ANGPTL1: variants seen among roughly 807,000 people sequenced by gnomAD.
ANGPTL1 encodes angiopoietin-related protein 1.
ANGPTL1 carries 36 observed loss-of-function variants against 46.7 expected under a neutral mutation model. That is an observed-to-expected ratio of 0.77 (90% CI 0.59 to 1.02). The LOEUF is 1.02. Ranked by LOEUF, ANGPTL1 falls within the 50% of genes least tolerant of loss-of-function variation. The pLI is 0.00. For missense variants in ANGPTL1, 571 were observed against 594.7 expected, an observed-to-expected ratio of 0.96 and a Z score of 0.41; for synonymous variants, 221 against 204.3, an observed-to-expected ratio of 1.08 and a Z score of -0.69.
intron 2 of ANGPTL1, among the ~76,000 whole-genome samples, chr1:178,867,488 C>T (rs1452645659): frequency 6.6e-6 from 1 of 152,002 alleles, no homozygotes; most frequent in East Asian, 1.9e-4. Context: ...GAGGAAAATC[C>T]TTGAGAAGCT....
At position 178,851,273 on chromosome 1, in the gene ANGPTL1, G is replaced by A. The variant is rs201826963; in HGVS notation, c.1332C>T (p.Ala444=). The A allele has an allele frequency of 1.2e-6, 2 of 1,613,314 alleles. No homozygotes were observed. The highest frequency in any genetic ancestry group is 1.3e-5 in the African/African-American group (1 of 74,990). ...CTCCATTTAGGTTAGAATGTGCACA[G>A]GCATTGTACCACCAGCCTCCTTTAT... ...HFHKGGWWYN[A]CAHSNLNGVW... is the part of the protein sequence containing the mutation. The change falls in exon 6 of 6, where the codon GCC becomes GCT. Residue 444 remains alanine, a synonymous_variant. Transcript: ENST00000234816.
intron 2 of ANGPTL1, 75 bp from the exon 3 acceptor site, chr1:178,865,877 TAAA>T: frequency 5.6e-6 from 5 of 885,250 alleles, no homozygotes; most frequent in South Asian, 3.7e-5. Flanking sequence ...TCAGTAATCT[TAAA>T]AACTATCTGA....
In ANGPTL1 at chr1:178,852,839, T is replaced by C. The variant is rs1372207029; in HGVS notation, c.1132A>G (p.Lys378Glu). ...AAGCTGCTGTATTCTGCATAGACTT[T>C]TTTATCACTCCAGTCTTCTAATTCA... ...LIELEDWSDK[K>E]VYAEYSSFRL... Residue 378 changes from lysine (K) to glutamate (E), a missense_variant, in exon 5 of 6, where the codon AAA (lysine) becomes GAA (glutamate). Physicochemically the swap from Lys to Glu is moderately conservative, Grantham distance 56. Coordinates refer to ENST00000234816, the MANE Select transcript of ANGPTL1 (RefSeq NM_004673.4). 1.2e-6 allele frequency: 2 copies of C among 1,613,840 alleles called. No individual in the cohort carries two copies. Among genetic ancestry groups the C allele is most frequent in the East Asian group, 2.2e-5 (1 of 44,878 alleles).
intron 5 of ANGPTL1, among the ~76,000 whole-genome samples, chr1:178,851,548 TA>T (rs148034387): frequency 0.04 from 6,040 of 152,148 alleles, 161 homozygotes; most frequent in African/African-American, 0.068. Context: ...TGTACTTTTT[TA>T]AAAAGGGGGA....
chr1:178,853,159 C>T, intron 4 of ANGPTL1: 1 of 985,290 alleles, frequency 1.0e-6, no homozygotes, highest in Non-Finnish European at 1.2e-6. Context: ...TCTGATATGT[C>T]AGTATTCATT....
intron 3 of ANGPTL1, among the ~76,000 whole-genome samples, chr1:178,864,286 T>A (rs1400143886): frequency 7.2e-5 from 11 of 152,278 alleles, no homozygotes; most frequent in African/African-American, 2.4e-5. Context: ...AGTTTTTTTT[T>A]ATAATAATGA....
intron 4 of ANGPTL1, among the ~76,000 whole-genome samples, 181 bp downstream of exon 4, chr1:178,853,413 A>T (rs1371108584): frequency 2.0e-5 from 3 of 152,086 alleles, no homozygotes; most frequent in African/African-American, 7.2e-5. Flanking sequence ...CCTTTTTGCA[A>T]TTTAATTTTG....
chr1:178,869,383 G>A (rs1257257273), intron 1 of ANGPTL1, 160 bp from the exon 2 acceptor site: 1 of 152,054 alleles, frequency 6.6e-6, no homozygotes, highest in Non-Finnish European at 1.5e-5. Context: ...TTTCTAGATT[G>A]TGAAATATGT....
In ANGPTL1 at chr1:178,865,065, C is replaced by G. The variant is rs868159800; in HGVS notation, c.712G>C (p.Glu238Gln). 1 of 1,516,744 alleles carries G rather than the reference C, an allele frequency of 6.6e-7. No individual in the cohort carries two copies. Among genetic ancestry groups the G allele is most frequent in the South Asian group, 1.3e-5 (1 of 74,314 alleles). The allele number at this position is 1,516,744 out of a possible 1,614,324, so 94.0% of individuals were successfully genotyped here. Residue 238 changes from glutamate (E) to glutamine (Q), a missense_variant, in exon 3 of 6, where the codon GAG becomes CAG. Glu to Gln is a conservative substitution (Grantham distance 29). Coordinates refer to ENST00000234816, the MANE Select transcript of ANGPTL1 (RefSeq NM_004673.4). The part of the protein sequence containing the change: ...QYTPGLLGGN[E>Q]IQRDPGYPRD... ...GGATAACCTGGATCCCTCTGAATCT[C>G]GTTACCTCCCAGCAGACCAGGAGTA... is the stretch of plus-strand genomic sequence containing the variant.
At chr1:178,867,900 C>T (rs1323098242) in intron 2 of ANGPTL1, among the ~76,000 whole-genome samples, 1 of 151,926 alleles carries the variant, frequency 6.6e-6, no homozygotes, top group African/African-American at 2.4e-5. Context: ...CTTTCTAAAA[C>T]CATGTTCCTT....
intron 5 of ANGPTL1, 72 bp downstream of exon 5, chr1:178,852,611 A>G: frequency 6.8e-7 from 1 of 1,479,852 alleles, no homozygotes. Flanking sequence ...TTAGTAGCAT[A>G]TATATTAGTA....
At chr1:178,870,081 A>G (rs558437703) in intron 1 of ANGPTL1, among the ~76,000 whole-genome samples, 72 of 152,226 alleles carry the variant, frequency 4.7e-4, no homozygotes, top group Non-Finnish European at 7.9e-4. Context: ...CATTTGTAGC[A>G]AGTTTAATTT....
intron 1 of ANGPTL1, among the ~76,000 whole-genome samples, chr1:178,869,879 C>T (rs1658643299): frequency 6.6e-6 from 1 of 152,012 alleles, no homozygotes; most frequent in South Asian, 2.1e-4. Context: ...GTAAAAAAAG[C>T]TCCCAGATAG....
rs777921042 is a variant in ANGPTL1 at position 178,862,087 on chromosome 1, GGTCTCAAACTCC to G, written c.823+2855_823+2866del. The stretch of plus-strand genomic sequence containing the variant: ...GGGGTTTCACCATGTTGGCCAGGCT[GGTCTCAAACTCC>G]TGACCTCAAGTGATCCGTCTGCCTC... On this transcript the variant is annotated intron_variant, in intron 3 of 5. Coordinates refer to ENST00000234816, the MANE Select transcript of ANGPTL1 (RefSeq NM_004673.4). Among the ~76,000 whole-genome samples the G allele has an allele frequency of 1.1e-4, 16 of 152,112 alleles. 1 individual carries two copies. The highest frequency in any genetic ancestry group is 1.0e-3 in the South Asian group (5 of 4,808).
Position 178,865,677 on chromosome 1 carries a change from T to C in ANGPTL1, c.100A>G (p.Arg34Gly). 1 of 1,614,088 alleles carries C rather than the reference T, an allele frequency of 6.2e-7. No homozygotes were observed. Among genetic ancestry groups the C allele is most frequent in the Non-Finnish European group, 8.5e-7 (1 of 1,179,964 alleles). The stretch of plus-strand genomic sequence containing the variant: ...CCATCTGTGGCACGAGGGTATCTTC[T>C]CTGGTTTATTTTTTTAATTTTGAAT... The part of the protein sequence containing the change: ...GQFKIKKINQ[R>G]RYPRATDGKE... The change falls in exon 3 of 6, where the codon AGA becomes GGA. Residue 34 changes from arginine to glycine, a missense_variant. Coordinates refer to ENST00000234816, the MANE Select transcript of ANGPTL1 (RefSeq NM_004673.4).
In ANGPTL1 at chr1:178,851,076, A is replaced by T. The variant is rs1657141420; in HGVS notation, c.*53T>A. Reference sequence around the variant, plus strand: ...ATATACATGTAACATTTACATTTTTAAGAGCTGAAAAGTACAAAGTTCTGT... The same window carrying T: ...ATATACATGTAACATTTACATTTTTTAGAGCTGAAAAGTACAAAGTTCTGT... On this transcript the variant is annotated 3_prime_UTR_variant, in exon 6 of 6. Coordinates refer to ENST00000234816, the MANE Select transcript of ANGPTL1 (RefSeq NM_004673.4). The T allele has an allele frequency of 2.0e-6, 3 of 1,484,934 alleles. No homozygotes were observed. Among genetic ancestry groups the T allele is most frequent in the African/African-American group, 1.4e-5 (1 of 70,816 alleles). The allele number at this position is 1,484,934 out of a possible 1,614,324, so 92.0% of individuals were successfully genotyped here.
Position 178,856,394 on chromosome 1 carries a change from A to ATTTTTTTTTTTTTTTTTTTTTTTTT in ANGPTL1, c.824-2632_824-2608dup, listed in dbSNP as rs71108081. ...AGGCAAGTGCCACCCTGCCTGGCTA[A>ATTTTTTTTTTTTTTTTTTTTTTTTT]TTTTTTTTTTTTTTTTTTTTTTTTT... On this transcript the variant is annotated intron_variant, in intron 3 of 5. Transcript: ENST00000234816. Among the ~76,000 whole-genome samples the ATTTTTTTTTTTTTTTTTTTTTTTTT allele has an allele frequency of 5.5e-5, 2 of 36,430 alleles. 1 individual carries two copies. The highest frequency in any genetic ancestry group is 9.5e-5 in the Non-Finnish European group (2 of 21,130). The allele number at this position is 36,430 out of a possible 152,430, so 23.9% of individuals were successfully genotyped here.
At chr1:178,859,827 C>G (rs1392703652) in intron 3 of ANGPTL1, among the ~76,000 whole-genome samples, 5 of 89,344 alleles carry the variant, frequency 5.6e-5, no homozygotes, top group Admixed American at 9.7e-5. Flanking sequence ...CCCGCCCCCC[C>G]CCCCCCAACC....
At chr1:178,860,270 G>A (rs953566637) in intron 3 of ANGPTL1, among the ~76,000 whole-genome samples, 5 of 151,072 alleles carry the variant, frequency 3.3e-5, no homozygotes, top group African/African-American at 1.2e-4. Context: ...CTTGTCAGGT[G>A]TATTATTACA....
Sources: allele counts gnomAD v4.1 joint callset (sites outside exome capture counted in the v4.1 genomes callset), GRCh38; gene constraint gnomAD v4.1.1; transcripts MANE v1.5; gene names NCBI Gene and HGNC (gene_info 2026-07-23, HGNC 2026-07-21).